CDYL: variants seen among roughly 807,000 people sequenced by gnomAD.
CDYL encodes the protein chromodomain Y like, also known as chromodomain Y-like protein.
CDYL carries 8 observed loss-of-function variants against 47.3 expected under a neutral mutation model. The ratio of observed to expected loss-of-function variants is 0.17; its 90% CI spans 0.10 to 0.31. The LOEUF is 0.31. Ranked by LOEUF, CDYL falls within the 10% of genes least tolerant of loss-of-function variation. CDYL has a pLI of 1.00. For missense variants in CDYL, 471 were observed against 701.4 expected (o/e 0.67, Z 3.71); for synonymous variants, 266 against 265.0 (o/e 1.00, Z -0.04).
chr6:4,888,332 C>T (rs1175636377), intron 1 of CDYL, among the ~76,000 whole-genome samples: 1 of 151,688 alleles, frequency 6.6e-6, no homozygotes, highest in African/African-American at 2.4e-5. Context: ...GATGATCAGT[C>T]TTATATAGGC....
intron 1 of CDYL, among the ~76,000 whole-genome samples, chr6:4,711,421 G>A (rs1351615694): frequency 6.6e-6 from 1 of 152,148 alleles, no homozygotes; most frequent in Admixed American, 6.6e-5. Context: ...TTCCCCCTCA[G>A]GAGCGACAGA....
At chr6:4,744,879 G>C (rs1757861781) in intron 3 of CDYL, among the ~76,000 whole-genome samples, 1 of 152,038 alleles carries the variant, frequency 6.6e-6, no homozygotes, top group African/African-American at 2.4e-5. Context: ...ACTCTCAACT[G>C]TGTCAACTAT....
chr6:4,839,898 G>T (rs1385225729), intron 1 of CDYL, among the ~76,000 whole-genome samples: 8 of 152,034 alleles, frequency 5.3e-5, no homozygotes, highest in African/African-American at 1.9e-4. Context: ...CTTTGGTTAT[G>T]TGGGCAGTTT....
At chr6:4,827,940 C>T (rs1214640294) in intron 1 of CDYL, among the ~76,000 whole-genome samples, 1 of 152,216 alleles carries the variant, frequency 6.6e-6, no homozygotes, top group African/African-American at 2.4e-5. Flanking sequence ...CAGGCGGGAG[C>T]CATCGCACCC....
At chr6:4,740,809 T>A (rs1410748484) in intron 3 of CDYL, among the ~76,000 whole-genome samples, 1 of 151,030 alleles carries the variant, frequency 6.6e-6, no homozygotes, top group Non-Finnish European at 1.5e-5. Context: ...TTTTTTGAGA[T>A]GGAGTCTTGC....
intron 3 of CDYL, among the ~76,000 whole-genome samples, chr6:4,763,658 T>C (rs1336244230): frequency 6.6e-6 from 1 of 152,160 alleles, no homozygotes; most frequent in Non-Finnish European, 1.5e-5. Flanking sequence ...AATTTTTTTG[T>C]AGGGCCAGGC....
intron 2 of CDYL, among the ~76,000 whole-genome samples, chr6:4,931,166 G>A (rs2127516804): frequency 6.6e-6 from 1 of 152,322 alleles, no homozygotes; most frequent in South Asian, 2.1e-4. Flanking sequence ...AGTTTACTGA[G>A]TAAACATGTA....
intron 1 of CDYL, among the ~76,000 whole-genome samples, chr6:4,836,971 C>T (rs1760334486): frequency 6.6e-6 from 1 of 152,192 alleles, no homozygotes; most frequent in African/African-American, 2.4e-5. Flanking sequence ...GCTCCCACCT[C>T]TGCTGGGTGG....
chr6:4,760,410 T>C (rs1037080303), intron 3 of CDYL, among the ~76,000 whole-genome samples: 6 of 150,948 alleles, frequency 4.0e-5, no homozygotes, highest in East Asian at 1.9e-4. Context: ...GTAGAAAGTA[T>C]GCCCAAGAAT....
intron 2 of CDYL, among the ~76,000 whole-genome samples, chr6:4,895,064 T>TA (rs1491331375): frequency 9.5e-6 from 1 of 104,742 alleles, no homozygotes; most frequent in Non-Finnish European, 2.2e-5. Flanking sequence ...TACATATGGG[T>TA]ATATATGTAT....
intron 1 of CDYL, among the ~76,000 whole-genome samples, chr6:4,814,281 AT>A (rs1759609801): frequency 1.3e-5 from 2 of 152,158 alleles, no homozygotes; most frequent in Non-Finnish European, 2.9e-5. Context: ...GTAAGCAGCT[AT>A]TTTTATGTTA....
chr6:4,719,809 T>C (rs1325637540), intron 2 of CDYL, among the ~76,000 whole-genome samples: 1 of 152,158 alleles, frequency 6.6e-6, no homozygotes, highest in Non-Finnish European at 1.5e-5. Flanking sequence ...GTCACCAGAA[T>C]TTGCATTTCC....
intron 3 of CDYL, among the ~76,000 whole-genome samples, chr6:4,739,162 A>G (rs1757753618): frequency 6.6e-6 from 1 of 151,574 alleles, no homozygotes; most frequent in South Asian, 2.1e-4. Context: ...ACTCTGTCTC[A>G]AACATAAATA....
intron 3 of CDYL, among the ~76,000 whole-genome samples, chr6:4,751,926 G>C (rs1167291897): frequency 6.6e-6 from 1 of 152,172 alleles, no homozygotes; most frequent in Non-Finnish European, 1.5e-5. Context: ...TGCTGGCTCT[G>C]GGCCCGGCAT....
intron 1 of CDYL, among the ~76,000 whole-genome samples, chr6:4,865,542 A>G (rs1476733435): frequency 6.6e-6 from 1 of 152,262 alleles, no homozygotes; most frequent in Non-Finnish European, 1.5e-5. Context: ...TGCAGCACCA[A>G]GTAACAAGCA....
chr6:4,771,105 G>T (rs895257180), intron 3 of CDYL, among the ~76,000 whole-genome samples: 2 of 151,982 alleles, frequency 1.3e-5, no homozygotes, highest in South Asian at 4.2e-4. Flanking sequence ...GAGGGTAAGA[G>T]AATTTGCACT....
Position 4,829,029 on chromosome 6 carries a change from T to G in CDYL, c.24+52222T>G, listed in dbSNP as rs1760060714. 3.9e-5 allele frequency among the ~76,000 whole-genome samples: 6 copies of G among 152,226 alleles called. No homozygotes were observed. The South Asian group carries it at 1.2e-3, about 31-fold the overall frequency. ...TCCTTCAGTTCTTCATATCTTTCTT[T>G]TGCTTTTTGAGCTTATTTAAGACAG... On this transcript the variant is annotated intron_variant, in intron 1 of 6. Transcript: ENST00000397588.
At chr6:4,763,464 A>C (rs560121932) in intron 3 of CDYL, among the ~76,000 whole-genome samples, 219 of 152,334 alleles carry the variant, frequency 1.4e-3, no homozygotes, top group Non-Finnish European at 2.5e-3. Context: ...GTGTTGGAAC[A>C]TGGGTCAGTA....
chr6:4,858,979 G>C (rs1761089622), intron 1 of CDYL, among the ~76,000 whole-genome samples: 1 of 152,224 alleles, frequency 6.6e-6, no homozygotes, highest in African/African-American at 2.4e-5. Context: ...AGGGGTCTCT[G>C]CTCATTCTGG....
Sources: allele counts gnomAD v4.1 joint callset (sites outside exome capture counted in the v4.1 genomes callset), GRCh38; gene constraint gnomAD v4.1.1; transcripts MANE v1.5; gene names NCBI Gene and HGNC (gene_info 2026-07-23, HGNC 2026-07-21).